Variants in M1AP observed in about 807,000 individuals in gnomAD.
The protein encoded by M1AP is meiosis 1 associated protein.
In M1AP, 39 loss-of-function variants were observed where a neutral mutation model predicts 51.2. The observed-to-expected ratio is 0.76, with a 90% CI of 0.59 to 1.00. The LOEUF (loss-of-function observed/expected upper bound fraction) is 1.00, where lower values mean the gene tolerates loss of function less well. Among genes scored for constraint, M1AP ranks in the 50% least tolerant of loss-of-function variants. The probability of loss-of-function intolerance (pLI) is 0.00; values close to 1 mark genes in which losing one functional copy is unlikely to be tolerated. For missense variants in M1AP, 545 were observed against 641.2 expected, an observed-to-expected ratio of 0.85 and a Z score of 1.62; for synonymous variants, 251 against 249.2, an observed-to-expected ratio of 1.01 and a Z score of -0.07.
rs921791642 is a variant in M1AP at position 74,560,782 on chromosome 2, G to A, written c.1282-491C>T. ...TCAGGTTTTCCGGCCACAACATCCT[G>A]TGCCAGGAACCACTGGCCCCAAAGT... is the stretch of plus-strand genomic sequence containing the variant. On this transcript the variant is annotated intron_variant, in intron 8 of 10. Coordinates refer to ENST00000421985, the MANE Select transcript of M1AP (RefSeq NM_001321739.2). 3.3e-5 allele frequency among the ~76,000 whole-genome samples: 5 copies of A among 152,102 alleles called. No individual in the cohort carries two copies. In the East Asian group the frequency reaches 5.8e-4, roughly 18 times the overall value.
chr2:74,625,799 C>T (rs1197780854), intron 2 of M1AP, among the ~76,000 whole-genome samples: 1 of 152,244 alleles, frequency 6.6e-6, no homozygotes, highest in Non-Finnish European at 1.5e-5. Flanking sequence ...GCCCTTTCAA[C>T]ATGGACACCA....
intron 4 of M1AP, among the ~76,000 whole-genome samples, chr2:74,594,510 T>C (rs1041832909): frequency 6.6e-6 from 1 of 151,970 alleles, no homozygotes; most frequent in Non-Finnish European, 1.5e-5. Flanking sequence ...CCTAGAAAGA[T>C]AGAGAGAAAG....
chr2:74,563,543 G>A (rs1173858825), intron 7 of M1AP, among the ~76,000 whole-genome samples: 8 of 149,828 alleles, frequency 5.3e-5, no homozygotes, highest in Admixed American at 5.3e-4. Context: ...AGGTTGCAGT[G>A]AGCTGAGATT....
At chr2:74,621,906 G>A (rs1378411888) in intron 2 of M1AP, among the ~76,000 whole-genome samples, 5 of 149,606 alleles carry the variant, frequency 3.3e-5, no homozygotes, top group Admixed American at 1.3e-4. Flanking sequence ...TCAGGAGTTC[G>A]AGACCAGCCT....
chr2:74,622,928 G>A, intron 2 of M1AP, among the ~76,000 whole-genome samples: 1 of 140,330 alleles, frequency 7.1e-6, no homozygotes, highest in African/African-American at 2.7e-5. Context: ...AAAATAAATA[G>A]ATTATACACT....
chr2:74,588,175 T>C (rs1166317575), intron 4 of M1AP, among the ~76,000 whole-genome samples: 1 of 152,204 alleles, frequency 6.6e-6, no homozygotes, highest in African/African-American at 2.4e-5. Context: ...AGGCCTGTAC[T>C]TGGGTGTCAT....
At chr2:74,592,540 G>C (rs1361341696) in intron 4 of M1AP, among the ~76,000 whole-genome samples, 1 of 151,884 alleles carries the variant, frequency 6.6e-6, no homozygotes, top group Non-Finnish European at 1.5e-5. Flanking sequence ...ATATATTAGA[G>C]ATATTAGTCT....
intron 7 of M1AP, among the ~76,000 whole-genome samples, chr2:74,565,689 A>AGTG (rs1386329822): frequency 6.6e-6 from 1 of 151,610 alleles, no homozygotes; most frequent in East Asian, 1.9e-4. Context: ...ATTAGCCGGG[A>AGTG]GTGGTGGCAC....
intron 2 of M1AP, chr2:74,618,807 G>A (rs1347739720): frequency 3.2e-6 from 1 of 312,468 alleles, no homozygotes; most frequent in Non-Finnish European, 6.4e-6. Flanking sequence ...AAGGTCCCTC[G>A]TGTGCTGAGC....
intron 4 of M1AP, among the ~76,000 whole-genome samples, chr2:74,595,383 A>T (rs952461495): frequency 1.3e-5 from 2 of 151,942 alleles, no homozygotes; most frequent in Admixed American, 6.6e-5. Context: ...ACAGGGTCTC[A>T]CTCTGTCACC....
chr2:74,648,305 G>A lies in M1AP; in HGVS notation c.-93C>T, dbSNP rs1044008241. ...GGAGGCCCCCTCACCTGGTCCTCCC[G>A]GCTCTCAGCGTGCGCCCGCGCGTTC... On this transcript the variant is annotated 5_prime_UTR_variant, in exon 1 of 11. Coordinates refer to ENST00000421985, the MANE Select transcript of M1AP (RefSeq NM_001321739.2). 7.1e-6 allele frequency: 7 copies of A among 985,490 alleles called. No individual in the cohort carries two copies. Among genetic ancestry groups the A allele is most frequent in the Non-Finnish European group, 8.4e-6 (7 of 829,962 alleles). 61.0% of individuals were successfully genotyped at this position (985,490 alleles called of 1,614,324 possible).
At chr2:74,576,001 G>A (rs1679041554) in intron 6 of M1AP, among the ~76,000 whole-genome samples, 1 of 152,144 alleles carries the variant, frequency 6.6e-6, no homozygotes, top group Non-Finnish European at 1.5e-5. Flanking sequence ...TTACAGGCAT[G>A]AGCCACCGTG....
intron 7 of M1AP, among the ~76,000 whole-genome samples, chr2:74,573,597 C>A (rs1678883659): frequency 6.6e-6 from 1 of 152,142 alleles, no homozygotes; most frequent in Admixed American, 6.5e-5. Context: ...AAGTGATCCA[C>A]CTGCCTTGGG....
intron 2 of M1AP, among the ~76,000 whole-genome samples, chr2:74,633,193 C>T (rs1682797520): frequency 6.6e-6 from 1 of 152,144 alleles, no homozygotes; most frequent in Non-Finnish European, 1.5e-5. Flanking sequence ...ATTTCCTCCT[C>T]ACCAGATTGC....
At chr2:74,648,032 G>A in intron 1 of M1AP, 1 of 985,528 alleles carries the variant, frequency 1.0e-6, no homozygotes. Context: ...AGGAAGCTCC[G>A]GGCCCAGACT....
chr2:74,575,106 T>C (rs1178447215), intron 7 of M1AP, among the ~76,000 whole-genome samples: 1 of 152,216 alleles, frequency 6.6e-6, no homozygotes, highest in African/African-American at 2.4e-5. Flanking sequence ...TTCATTTAAA[T>C]GAACCATAAC....
At chr2:74,572,384 G>A (rs1051819341) in intron 7 of M1AP, among the ~76,000 whole-genome samples, 2 of 152,110 alleles carry the variant, frequency 1.3e-5, no homozygotes, top group South Asian at 2.1e-4. Flanking sequence ...GCAGTGGTGC[G>A]ATCATGGGTC....
intron 2 of M1AP, among the ~76,000 whole-genome samples, chr2:74,616,895 G>A (rs1220036965): frequency 1.3e-5 from 2 of 152,068 alleles, no homozygotes; most frequent in Admixed American, 6.6e-5. Flanking sequence ...ATTACTGATC[G>A]AATGACACAA....
intron 1 of M1AP, among the ~76,000 whole-genome samples, chr2:74,647,092 G>T (rs1683655804): frequency 6.6e-6 from 1 of 152,106 alleles, no homozygotes; most frequent in Non-Finnish European, 1.5e-5. Context: ...CTGGAACTGG[G>T]CCTTGAACCA....
Sources: gnomAD v4.1 joint callset for allele counts (sites outside exome capture counted in the v4.1 genomes callset) on GRCh38, gnomAD v4.1.1 for gene constraint, MANE v1.5 for transcripts, NCBI Gene and HGNC (gene_info 2026-07-23, HGNC 2026-07-21) for gene names.